Variants in JAKMIP2 observed in about 807,000 individuals in gnomAD.
The protein encoded by JAKMIP2 is janus kinase and microtubule-interacting protein 2.
A neutral mutation model predicts 115.0 loss-of-function variants in JAKMIP2; 25 were observed. That is an observed-to-expected ratio of 0.22 (90% CI 0.16 to 0.30). The LOEUF (loss-of-function observed/expected upper bound fraction) is 0.30. Ranked by LOEUF, JAKMIP2 falls within the 10% of genes least tolerant of loss-of-function variation. The pLI is 1.00. For synonymous variants in JAKMIP2, 334 were observed against 343.6 expected (o/e 0.97, Z 0.31); for missense variants, 642 against 957.6 (o/e 0.67, Z 4.35).
Position 147,738,348 on chromosome 5 carries a change from A to C in JAKMIP2, c.-149+44108T>G, listed in dbSNP as rs537989647. Among the ~76,000 whole-genome samples the C allele has an allele frequency of 1.4e-4, 21 of 152,310 alleles. No homozygotes were observed. The South Asian group carries it at 3.5e-3, about 26-fold the overall frequency. On this transcript the variant is annotated intron_variant, in intron 1 of 21. Transcript: ENST00000616793. ...TTAGAGCTTTGAATTCCATATCTTC[A>C]TCCGCTGTTCAACCAGTTTTGCTTG...
At chr5:147,596,124 A>G (rs764789136) in intron 21 of JAKMIP2, among the ~76,000 whole-genome samples, 1 of 152,188 alleles carries the variant, frequency 6.6e-6, no homozygotes, top group Non-Finnish European at 1.5e-5. Flanking sequence ...CTGGAGCAAC[A>G]GGAAGCCTGA....
At chr5:147,675,548 A>G (rs894680840) in intron 1 of JAKMIP2, among the ~76,000 whole-genome samples, 1 of 152,022 alleles carries the variant, frequency 6.6e-6, no homozygotes, top group Non-Finnish European at 1.5e-5. Context: ...TAAAATGTAC[A>G]ATTCAGTGGT....
intron 1 of JAKMIP2, among the ~76,000 whole-genome samples, chr5:147,750,221 T>A (rs1330821994): frequency 2.6e-5 from 4 of 152,008 alleles, no homozygotes; most frequent in African/African-American, 9.7e-5. Flanking sequence ...AATAAAACAC[T>A]CACTTGGGAA....
At chr5:147,742,155 A>ATATATATATATATATATTTTTT in intron 1 of JAKMIP2, among the ~76,000 whole-genome samples, 13 of 108,878 alleles carry the variant, frequency 1.2e-4, no homozygotes, top group African/African-American at 4.5e-4. Context: ...ATATATATAT[A>ATATATATATATATATATTTTTT]TTTTTTTTAC....
At chr5:147,654,706 C>A (rs1758587551) in intron 3 of JAKMIP2, among the ~76,000 whole-genome samples, 1 of 152,144 alleles carries the variant, frequency 6.6e-6, no homozygotes, top group Non-Finnish European at 1.5e-5. Context: ...CGCTTGATTT[C>A]TTTCTCTTGC....
At chr5:147,606,376 G>T (rs1379604279) in intron 20 of JAKMIP2, among the ~76,000 whole-genome samples, 1 of 152,112 alleles carries the variant, frequency 6.6e-6, no homozygotes, top group Non-Finnish European at 1.5e-5. Flanking sequence ...GTAAGGAAGG[G>T]GTCCAGTTTG....
chr5:147,626,392 C>G (rs1337680089), intron 16 of JAKMIP2, among the ~76,000 whole-genome samples: 1 of 152,196 alleles, frequency 6.6e-6, no homozygotes, highest in Non-Finnish European at 1.5e-5. Context: ...TCAGCTCCGA[C>G]AGCCCAGCTC....
chr5:147,764,256 T>G (rs1755030271), intron 1 of JAKMIP2, among the ~76,000 whole-genome samples: 1 of 152,056 alleles, frequency 6.6e-6, no homozygotes. Context: ...CTTTCAATCT[T>G]GATGTGGAAT....
At chr5:147,749,330 C>T (rs1400974087) in intron 1 of JAKMIP2, among the ~76,000 whole-genome samples, 3 of 152,064 alleles carry the variant, frequency 2.0e-5, no homozygotes, top group Non-Finnish European at 2.9e-5. Flanking sequence ...TTGATTCTTA[C>T]AGCAGAATGA....
At chr5:147,740,102 T>C (rs1188883987) in intron 1 of JAKMIP2, among the ~76,000 whole-genome samples, 1 of 152,244 alleles carries the variant, frequency 6.6e-6, no homozygotes, top group Admixed American at 6.5e-5. Flanking sequence ...CCCTTATTTG[T>C]ACAAGCAAAT....
chr5:147,706,973 C>T (rs933033910), intron 1 of JAKMIP2, among the ~76,000 whole-genome samples: 2 of 152,080 alleles, frequency 1.3e-5, no homozygotes, highest in African/African-American at 4.8e-5. Context: ...TTTCTGCTGT[C>T]AAAGCTAATG....
intron 1 of JAKMIP2, among the ~76,000 whole-genome samples, chr5:147,718,633 A>G (rs1381258865): frequency 2.6e-5 from 4 of 151,758 alleles, no homozygotes; most frequent in Admixed American, 6.6e-5. Context: ...GTTTATTTGC[A>G]TAGAGGTGTT....
intron 1 of JAKMIP2, among the ~76,000 whole-genome samples, chr5:147,694,157 C>G (rs1005784334): frequency 3.3e-5 from 5 of 152,064 alleles, no homozygotes; most frequent in African/African-American, 1.2e-4. Context: ...TCTCATTCAA[C>G]CTCAGATTTA....
chr5:147,604,183 T>C (rs1409717235), intron 20 of JAKMIP2, among the ~76,000 whole-genome samples: 1 of 152,212 alleles, frequency 6.6e-6, no homozygotes, highest in Non-Finnish European at 1.5e-5. Flanking sequence ...ATTTATTGTA[T>C]GTTATTGTTG....
chr5:147,634,523 C>G (rs1581327639), intron 12 of JAKMIP2, among the ~76,000 whole-genome samples: 1 of 152,236 alleles, frequency 6.6e-6, no homozygotes, highest in Admixed American at 6.5e-5. Flanking sequence ...TTCCTAGAAT[C>G]TTCTACTGAA....
intron 1 of JAKMIP2, among the ~76,000 whole-genome samples, chr5:147,778,216 T>A (rs2127092231): frequency 6.6e-6 from 1 of 152,282 alleles, no homozygotes; most frequent in East Asian, 1.9e-4. Flanking sequence ...AACAAATGCT[T>A]CTACGTTTTT....
intron 1 of JAKMIP2, among the ~76,000 whole-genome samples, chr5:147,747,333 G>A (rs1026819497): frequency 1.3e-5 from 2 of 152,018 alleles, no homozygotes; most frequent in African/African-American, 4.8e-5. Context: ...TGCTTAAAAC[G>A]TCACTTCTAC....
At chr5:147,672,571 TATCTATCTATCTATCAACG>T (rs1166762220) in intron 1 of JAKMIP2, among the ~76,000 whole-genome samples, 1 of 152,192 alleles carries the variant, frequency 6.6e-6, no homozygotes, top group African/African-American at 2.4e-5. Flanking sequence ...TTTATCTATC[TATCTATCTATCTATCAACG>T]ATCTATCTAT....
In JAKMIP2 at chr5:147,586,536, C is replaced by T. The variant is rs1004231409; in HGVS notation, c.*5171G>A. Reference sequence around the variant, plus strand: ...CTCAAAGTTGTTTAACTTTACCATTCTCACCCTACAGAACTTTGCATATAA... The same window carrying T: ...CTCAAAGTTGTTTAACTTTACCATTTTCACCCTACAGAACTTTGCATATAA... On this transcript the variant is annotated 3_prime_UTR_variant, in exon 22 of 22. Transcript: ENST00000616793. The T allele has an allele frequency of 6.6e-6, 1 of 151,972 alleles. No individual in the cohort carries two copies. The highest frequency in any genetic ancestry group is 1.5e-5 in the Non-Finnish European group (1 of 68,000). 9.4% of individuals were successfully genotyped at this position (151,972 alleles called of 1,614,324 possible).
Sources: allele counts gnomAD v4.1 joint callset (sites outside exome capture counted in the v4.1 genomes callset), GRCh38; gene constraint gnomAD v4.1.1; transcripts MANE v1.5; gene names NCBI Gene and HGNC (gene_info 2026-07-23, HGNC 2026-07-21).